The following NLRP1 variants were observed in gnomAD, a reference collection of about 807,000 sequenced individuals.
The protein encoded by NLRP1 is NACHT, LRR and PYD domains-containing protein 1.
A neutral mutation model predicts 136.7 loss-of-function variants in NLRP1; 94 were observed. The observed-to-expected ratio is 0.69, with a 90% CI of 0.58 to 0.82. The LOEUF (loss-of-function observed/expected upper bound fraction) is 0.82, where lower values mean the gene tolerates loss of function less well. Ranked by LOEUF, NLRP1 falls within the 40% of genes least tolerant of loss-of-function variation. The probability of loss-of-function intolerance (pLI) is 0.00; values close to 1 mark genes in which losing one functional copy is unlikely to be tolerated. For missense variants in NLRP1, 1,575 were observed against 1,802.7 expected, an observed-to-expected ratio of 0.87 and a Z score of 2.29; for synonymous variants, 690 against 725.1, an observed-to-expected ratio of 0.95 and a Z score of 0.78.
intron 15 of NLRP1, among the ~76,000 whole-genome samples, chr17:5,508,128 G>A (rs1306757239): frequency 1.4e-5 from 2 of 139,602 alleles, no homozygotes; most frequent in East Asian, 2.1e-4. Context: ...AGCGAGACTC[G>A]GTCTCAGAAA....
rs1908924926 is a variant in NLRP1 at position 5,521,707 on chromosome 17, C to T, written c.3600G>A (p.Val1200=). The T allele has an allele frequency of 1.2e-6, 2 of 1,613,374 alleles. No individual in the cohort carries two copies. The highest frequency in any genetic ancestry group is 8.5e-7 in the Non-Finnish European group (1 of 1,180,022). The change falls in exon 13 of 17, where the codon GTG becomes GTA. Residue 1200 remains valine, a synonymous_variant. Transcript: ENST00000572272. ...TTTCCAGAACTATGTGATGCAGCTCCACCCTGGCTGGCTTCTCCAGGAGCA... is the reference window on the plus strand; with the variant it reads ...TTTCCAGAACTATGTGATGCAGCTCTACCCTGGCTGGCTTCTCCAGGAGCA... ...EGMLLEKPAR[V]ELHHIVLENP...
intron 5 of NLRP1, among the ~76,000 whole-genome samples, chr17:5,548,298 A>C (rs751859083): frequency 1.2e-4 from 18 of 152,142 alleles, no homozygotes; most frequent in Non-Finnish European, 2.2e-4. Context: ...AGTGAAACCT[A>C]TGTTCCTACC....
rs540968356 is a variant in NLRP1 at position 5,532,768 on chromosome 17, T to C, written c.3296+54A>G. 2.6e-5 allele frequency: 38 copies of C among 1,486,414 alleles called. No homozygotes were observed. The East Asian group carries it at 8.6e-4, about 34-fold the overall frequency. 92.1% of individuals were successfully genotyped at this position (1,486,414 alleles called of 1,614,324 possible). A position where few individuals can be genotyped will look rare whatever the true frequency, so the allele number is the denominator to read the frequency against. ...GCTGACTGTCTGTGGGGACCCAGGATGGGCAGTGGGGTGCGGGAGGCCAGC... is the reference window on the plus strand; with the variant it reads ...GCTGACTGTCTGTGGGGACCCAGGACGGGCAGTGGGGTGCGGGAGGCCAGC... On this transcript the variant is annotated intron_variant, in intron 11 of 16. Coordinates refer to ENST00000572272, the MANE Select transcript of NLRP1 (RefSeq NM_033004.4).
chr17:5,580,717 C>T (rs1865688755), intron 3 of NLRP1, among the ~76,000 whole-genome samples: 1 of 151,922 alleles, frequency 6.6e-6, no homozygotes, highest in Non-Finnish European at 1.5e-5. Flanking sequence ...TTCTTCCTAT[C>T]TTCCTTCTTT....
At chr17:5,501,673 C>T in exon 16 of NLRP1, 1 of 636,578 alleles carries the variant, frequency 1.6e-6, no homozygotes, top group South Asian at 1.8e-5. Flanking sequence ...TTGAGCATCT[C>T]GCATATGATT....
Position 5,541,716 on chromosome 17 carries a change from C to T in NLRP1, c.2699+141G>A, listed in dbSNP as rs1433922444. 3 of 795,568 alleles carry T rather than the reference C, an allele frequency of 3.8e-6. No individual in the cohort carries two copies. In the African/African-American group the frequency reaches 5.2e-5, roughly 14 times the overall value. 49.3% of individuals were successfully genotyped at this position (795,568 alleles called of 1,614,324 possible). ...AAGGGTGGATGAGCTTCCTCCTGAGCCTCTACTGCCTGGCTGAGATCCTGT... is the reference window on the plus strand; with the variant it reads ...AAGGGTGGATGAGCTTCCTCCTGAGTCTCTACTGCCTGGCTGAGATCCTGT... On this transcript the variant is annotated intron_variant, in intron 6 of 16. Coordinates refer to ENST00000572272, the MANE Select transcript of NLRP1 (RefSeq NM_033004.4). The surrounding 1 kb of genome is among the most constrained non-coding windows in gnomAD (Gnocchi z 4.2).
intron 7 of NLRP1, 40 bp downstream of exon 7, chr17:5,539,374 AC>A (rs1911550439): frequency 6.4e-7 from 1 of 1,565,028 alleles, no homozygotes; most frequent in Non-Finnish European, 8.6e-7. Flanking sequence ...TACCCCCCCA[AC>A]CCTCTTCCCT....
At chr17:5,527,753 G>A (rs1024507302) in intron 12 of NLRP1, among the ~76,000 whole-genome samples, 5 of 152,240 alleles carry the variant, frequency 3.3e-5, no homozygotes, top group African/African-American at 1.2e-4. Flanking sequence ...CAAGCACAGT[G>A]AATTCATTCC....
chr17:5,521,280 A>G (rs1908865616), intron 13 of NLRP1, among the ~76,000 whole-genome samples: 1 of 152,220 alleles, frequency 6.6e-6, no homozygotes, highest in African/African-American at 2.4e-5. Flanking sequence ...ATTCCTGGAC[A>G]GGGGCCGTAA....
downstream of NLRP1, among the ~76,000 whole-genome samples, chr17:5,513,249 C>T (rs1458800188): frequency 6.6e-6 from 1 of 152,152 alleles, no homozygotes; most frequent in Non-Finnish European, 1.5e-5. Flanking sequence ...GGCATCTGAT[C>T]TCTTATTTTT....
chr17:5,528,171 T>C (rs1909795661), intron 12 of NLRP1, among the ~76,000 whole-genome samples: 1 of 152,198 alleles, frequency 6.6e-6, no homozygotes, highest in Non-Finnish European at 1.5e-5. Flanking sequence ...ACTGACTCTA[T>C]TAGCCAGGCC....
chr17:5,504,021 G>C lies in NLRP1; in HGVS notation c.4070-2149C>G, dbSNP rs1023584601. On this transcript the variant is annotated intron_variant, in intron 15 of 15. Transcript: ENST00000262467. This position sits in a 1 kb window ranked among gnomAD's most constrained non-coding sequence, Gnocchi z 4.4. ...CCTCTGGAAGAAAGATACACTGTCT[G>C]AGTCAATAGGAATCAGAGATTTGAG... 6.6e-6 allele frequency: 1 copy of C among 152,348 alleles called. No homozygotes were observed. The highest frequency in any genetic ancestry group is 1.5e-5 in the Non-Finnish European group (1 of 68,098). The allele number at this position is 152,348 out of a possible 1,614,324, so 9.4% of individuals were successfully genotyped here.
Position 5,514,967 on chromosome 17 carries a change from C to T in NLRP1, c.4209G>A (p.Leu1403=). The T allele has an allele frequency of 1.9e-6, 3 of 1,614,220 alleles. No individual in the cohort carries two copies. Among genetic ancestry groups the T allele is most frequent in the Non-Finnish European group, 2.5e-6 (3 of 1,180,028 alleles). The part of the protein sequence containing the change: ...VTSVEVVLDK[L]HGQVLSQEQY... ...GCTCCTGGCTCAGCACCTGTCCATGCAGTTTGTCCAAGACAACCTCCACCG... is the reference window on the plus strand; with the variant it reads ...GCTCCTGGCTCAGCACCTGTCCATGTAGTTTGTCCAAGACAACCTCCACCG... Residue 1403 remains leucine, a synonymous_variant, in exon 17 of 17, where the codon CTG becomes CTA. Transcript: ENST00000572272.
At chr17:5,576,325 A>G (rs1422451160) in intron 3 of NLRP1, among the ~76,000 whole-genome samples, 2 of 152,234 alleles carry the variant, frequency 1.3e-5, no homozygotes, top group Non-Finnish European at 2.9e-5. Flanking sequence ...CAAAAAATCA[A>G]TGAATCCAGG....
At position 5,532,944 on chromosome 17, in the gene NLRP1, G is replaced by A. The variant is rs1397225075; in HGVS notation, c.3174C>T (p.Cys1058=). 6 of 1,613,710 alleles carry A rather than the reference G, an allele frequency of 3.7e-6. No individual in the cohort carries two copies. Among genetic ancestry groups the A allele is most frequent in the Middle Eastern group, 1.6e-4 (1 of 6,084 alleles). Residue 1058 remains cysteine, a synonymous_variant, in exon 11 of 17, where the codon TGC becomes TGT. Coordinates refer to ENST00000572272, the MANE Select transcript of NLRP1 (RefSeq NM_033004.4). ...SPEVVPVELL[C]VPSPASQGDL... is the part of the protein sequence containing the mutation. The stretch of plus-strand genomic sequence containing the variant: ...CCCCTTGAGAGGCAGGAGAAGGCAC[G>A]CACAAGAGTTCCACCGGTACTACCT...
At chr17:5,518,557 TTTC>T (rs1292956221) in intron 14 of NLRP1, 1 of 149,412 alleles carries the variant, frequency 6.7e-6, no homozygotes, top group Non-Finnish European at 1.5e-5. Flanking sequence ...TTTTTCTCTT[TTTC>T]TTTTTTGTTT....
downstream of NLRP1, among the ~76,000 whole-genome samples, chr17:5,513,378 C>T (rs1207679684): frequency 6.6e-6 from 1 of 152,174 alleles, no homozygotes; most frequent in Non-Finnish European, 1.5e-5. Flanking sequence ...ATGCATGAGC[C>T]ACCATGCTTG....
At position 5,541,541 on chromosome 17, in the gene NLRP1, T is replaced by C. The variant is rs1328064770; in HGVS notation, c.2699+316A>G. ...CACTGCTGCAATCCTCATAGCTCTA[T>C]GAAGTGGGCACGATTATCATCATCC... On this transcript the variant is annotated intron_variant, in intron 6 of 16. Transcript: ENST00000572272. The surrounding 1 kb of genome is among the most constrained non-coding windows in gnomAD (Gnocchi z 4.2). Among the ~76,000 whole-genome samples, 1 of 152,204 alleles carries C rather than the reference T, an allele frequency of 6.6e-6. No individual in the cohort carries two copies. The highest frequency in any genetic ancestry group is 2.4e-5 in the African/African-American group (1 of 41,472).
intron 3 of NLRP1, among the ~76,000 whole-genome samples, chr17:5,573,618 C>T (rs1003248883): frequency 6.6e-6 from 1 of 152,218 alleles, no homozygotes; most frequent in African/African-American, 2.4e-5. Context: ...TGAGACGAAG[C>T]TTCCAGAGGA....
Sources: gnomAD v4.1 joint callset for allele counts (sites outside exome capture counted in the v4.1 genomes callset) on GRCh38, gnomAD v4.1.1 for gene constraint, Gnocchi (gnomAD v3.1) non-coding constraint, MANE v1.5 for transcripts, NCBI Gene and HGNC (gene_info 2026-07-23, HGNC 2026-07-21) for gene names.